SERAC1: variants seen among roughly 807,000 people sequenced by gnomAD.
SERAC1 encodes serine active site containing 1.
A neutral mutation model predicts 85.7 loss-of-function variants in SERAC1; 36 were observed. The observed-to-expected ratio is 0.42, with a 90% confidence interval of 0.32 to 0.55. The LOEUF is 0.55. Ranked by LOEUF, SERAC1 falls within the 20% of genes least tolerant of loss-of-function variation. SERAC1 has a pLI of 0.11. For missense variants in SERAC1, 629 were observed against 796.2 expected (o/e 0.79, Z 2.53); for synonymous variants, 242 against 265.3 (o/e 0.91, Z 0.85).
intron 16 of SERAC1, chr6:158,113,074 C>A (rs1182248767): frequency 1.2e-5 from 3 of 260,370 alleles, no homozygotes; most frequent in Non-Finnish European, 2.1e-5. Context: ...AGCTTCCACA[C>A]TTTTAGATGA....
At chr6:158,130,097 T>C (rs1440905260) in intron 9 of SERAC1, among the ~76,000 whole-genome samples, 1 of 152,232 alleles carries the variant, frequency 6.6e-6, no homozygotes, top group African/African-American at 2.4e-5. Context: ...GAAGACAACA[T>C]AACTCAAAGG....
At chr6:158,157,287 G>A (rs564541940) in intron 2 of SERAC1, among the ~76,000 whole-genome samples, 1 of 152,164 alleles carries the variant, frequency 6.6e-6, no homozygotes, top group East Asian at 1.9e-4. Context: ...ATGAGTCACC[G>A]CACCCAGCCT....
intron 1 of SERAC1, among the ~76,000 whole-genome samples, chr6:158,164,683 C>G (rs1239829772): frequency 6.6e-6 from 1 of 152,036 alleles, no homozygotes; most frequent in Non-Finnish European, 1.5e-5. Flanking sequence ...AGCTTCATTG[C>G]CCTGGTGGAG....
chr6:158,122,657 G>A (rs535308022), intron 10 of SERAC1, among the ~76,000 whole-genome samples: 7 of 152,110 alleles, frequency 4.6e-5, no homozygotes, highest in Non-Finnish European at 1.0e-4. Flanking sequence ...GTGGGCGCCT[G>A]TAATCCCAGC....
rs779223575 is a variant in SERAC1 at position 158,114,986 on chromosome 6, G to A, written c.1502-15C>T. ...GACAAGAAGACCTAGCCACAGACAA[G>A]GGAAAAAAACAATGCATAAGCTATT... On this transcript the variant is annotated splice_polypyrimidine_tract_variant and intron_variant, in intron 14 of 16. Transcript: ENST00000647468. 69 of 1,591,488 alleles carry A rather than the reference G, an allele frequency of 4.3e-5. No individual in the cohort carries two copies. Among genetic ancestry groups the A allele is most frequent in the Non-Finnish European group, 5.7e-5 (67 of 1,171,244 alleles).
At chr6:158,145,522 C>CT (rs770977567) in intron 6 of SERAC1, among the ~76,000 whole-genome samples, 7,034 of 129,166 alleles carry the variant, frequency 0.054, 290 homozygotes, top group African/African-American at 0.11. Flanking sequence ...GAGAATTTTT[C>CT]TTTTTTTTTT....
intron 15 of SERAC1, among the ~76,000 whole-genome samples, chr6:158,114,297 A>G (rs1433462906): frequency 6.6e-6 from 1 of 152,176 alleles, no homozygotes; most frequent in African/African-American, 2.4e-5. Context: ...AAGTAGAACA[A>G]AGAGAAAATA....
At position 158,117,466 on chromosome 6, in the gene SERAC1, C is replaced by A; in HGVS notation, c.1403+261G>T. On this transcript the variant is annotated intron_variant, in intron 13 of 16. Transcript: ENST00000647468. The surrounding 1 kb of genome is among the most constrained non-coding windows in gnomAD (Gnocchi z 4.3). ...TAGAAAAGGAGACTGCTAGACAATCCACGATCCTTCACTATTAGAACAGTT... is the reference window on the plus strand; with the variant it reads ...TAGAAAAGGAGACTGCTAGACAATCAACGATCCTTCACTATTAGAACAGTT... 6.6e-7 allele frequency: 1 copy of A among 1,523,130 alleles called. No individual in the cohort carries two copies. The highest frequency in any genetic ancestry group is 8.9e-7 in the Non-Finnish European group (1 of 1,129,158). The allele number at this position is 1,523,130 out of a possible 1,614,324, so 94.4% of individuals were successfully genotyped here.
At chr6:158,125,603 C>A (rs1308962467) in intron 10 of SERAC1, among the ~76,000 whole-genome samples, 1 of 152,186 alleles carries the variant, frequency 6.6e-6, no homozygotes, top group Non-Finnish European at 1.5e-5. Context: ...GTGGCCCAAA[C>A]ATATACTCCC....
chr6:158,149,200 G>A (rs1292077003), intron 4 of SERAC1, among the ~76,000 whole-genome samples: 42 of 152,060 alleles, frequency 2.8e-4, no homozygotes, highest in Non-Finnish European at 7.4e-5. Flanking sequence ...CACCTTGTTA[G>A]CCAGGATGGT....
intron 8 of SERAC1, among the ~76,000 whole-genome samples, chr6:158,135,403 T>C (rs1399722676): frequency 1.3e-5 from 2 of 151,972 alleles, no homozygotes; most frequent in Non-Finnish European, 2.9e-5. Flanking sequence ...TGGTGGCGGA[T>C]ATGCCTATAA....
intron 5 of SERAC1, 90 bp downstream of exon 5, chr6:158,148,775 G>C (rs1216019926): frequency 4.7e-5 from 43 of 908,872 alleles, no homozygotes; most frequent in Non-Finnish European, 7.0e-5. Flanking sequence ...AAAAATATTA[G>C]TATAAGAAAT....
intron 1 of SERAC1, chr6:158,159,290 G>C (rs1196050315): frequency 6.6e-6 from 1 of 151,718 alleles, no homozygotes; most frequent in Non-Finnish European, 1.5e-5. Context: ...GATCACGTGA[G>C]CTCAGGAGTT....
chr6:158,123,413 T>C (rs12523959), intron 10 of SERAC1, among the ~76,000 whole-genome samples: 24,479 of 152,140 alleles, frequency 0.16, 2,403 homozygotes, highest in Middle Eastern at 0.3. Context: ...AGAACAGGGT[T>C]TGGTTTTTGT....
chr6:158,150,277 G>A (rs901561787), intron 4 of SERAC1, among the ~76,000 whole-genome samples, 176 bp downstream of exon 4: 7 of 152,164 alleles, frequency 4.6e-5, no homozygotes, highest in African/African-American at 1.4e-4. Context: ...GATTAAATAC[G>A]GAAGCCTAAA....
rs1188606182 is a variant in SERAC1 at position 158,119,313 on chromosome 6, G to T, written c.1167-143C>A. ...ATTAAAGCAAGCTCTATAAGCACAGGTTTGCTGGGAAAACCTAGAAGGAGC... is the reference window on the plus strand; with the variant it reads ...ATTAAAGCAAGCTCTATAAGCACAGTTTTGCTGGGAAAACCTAGAAGGAGC... On this transcript the variant is annotated intron_variant, in intron 11 of 16. Coordinates refer to ENST00000647468, the MANE Select transcript of SERAC1 (RefSeq NM_032861.4). The surrounding 1 kb of genome is among the most constrained non-coding windows in gnomAD (Gnocchi z 4.5). 4.0e-6 allele frequency: 4 copies of T among 994,194 alleles called. No homozygotes were observed. The East Asian group carries it at 1.1e-4, about 28-fold the overall frequency. The allele number at this position is 994,194 out of a possible 1,614,324, so 61.6% of individuals were successfully genotyped here.
intron 8 of SERAC1, among the ~76,000 whole-genome samples, chr6:158,140,747 G>C (rs935261483): frequency 6.6e-6 from 1 of 152,148 alleles, no homozygotes. Flanking sequence ...TATGGGCTCT[G>C]ACACCATCTC....
chr6:158,110,794 C>G lies in SERAC1; in HGVS notation c.*572G>C, dbSNP rs1360750227. The stretch of plus-strand genomic sequence containing the variant: ...GTTCTCAGGAATACGAAAATAGATA[C>G]AAGGAACTGACCCAGACATGACAAT... On this transcript the variant is annotated 3_prime_UTR_variant, in exon 17 of 17. Transcript: ENST00000647468. 2 of 152,076 alleles carry G rather than the reference C, an allele frequency of 1.3e-5. No individual in the cohort carries two copies. The highest frequency in any genetic ancestry group is 4.8e-5 in the African/African-American group (2 of 41,410). 9.4% of individuals were successfully genotyped at this position (152,076 alleles called of 1,614,324 possible). A position where few individuals can be genotyped will look rare whatever the true frequency, so the allele number is the denominator to read the frequency against.
chr6:158,160,469 C>G (rs879830524), intron 1 of SERAC1, among the ~76,000 whole-genome samples: 15 of 152,140 alleles, frequency 9.9e-5, no homozygotes, highest in Non-Finnish European at 1.6e-4. Context: ...TTCCTTTTGT[C>G]ATCACATACT....
Sources: allele counts gnomAD v4.1 joint callset (sites outside exome capture counted in the v4.1 genomes callset), GRCh38; gene constraint gnomAD v4.1.1; non-coding constraint Gnocchi (gnomAD v3.1); transcripts MANE v1.5; gene names NCBI Gene and HGNC (gene_info 2026-07-23, HGNC 2026-07-21).